Variants in CREB5 observed in about 807,000 individuals in gnomAD.
CREB5 encodes the protein cAMP responsive element binding protein 5, also known as cyclic AMP-responsive element-binding protein 5.
A neutral mutation model predicts 57.1 loss-of-function variants in CREB5; 19 were observed. That is an observed-to-expected ratio of 0.33 (90% confidence interval 0.23 to 0.49). The LOEUF (loss-of-function observed/expected upper bound fraction) is 0.49, where lower values mean the gene tolerates loss of function less well. CREB5 is among the 20% of genes least tolerant of loss of function. The probability of loss-of-function intolerance (pLI) is 0.99; values close to 1 mark genes in which losing one functional copy is unlikely to be tolerated. For missense variants in CREB5, 579 were observed against 671.6 expected (o/e 0.86, Z 1.52); for synonymous variants, 238 against 238.3 (o/e 1.00, Z 0.01).
At position 28,642,951 on chromosome 7, in the gene CREB5, T is replaced by TACACACACAC. The variant is rs751628412; in HGVS notation, c.464+72440_464+72449dup. On this transcript the variant is annotated intron_variant, in intron 5 of 10. Coordinates refer to ENST00000357727, the MANE Select transcript of CREB5 (RefSeq NM_182898.4). ...AAACAGACCGAAAGGAGGGTAGATTTACACACACACACACACACACACACA... is the reference window on the plus strand; with the variant it reads ...AAACAGACCGAAAGGAGGGTAGATTTACACACACACACACACACACACACACACACACACA... Among the ~76,000 whole-genome samples the TACACACACAC allele has an allele frequency of 3.3e-3, 298 of 89,468 alleles. 4 individuals carry two copies. The highest frequency in any genetic ancestry group is 5.4e-3 in the Non-Finnish European group (234 of 43,270). 58.7% of individuals were successfully genotyped at this position (89,468 alleles called of 152,430 possible).
Position 28,424,606 on chromosome 7 carries a change from G to C in CREB5, c.3+11689G>C, listed in dbSNP as rs1486109935. ...CTAATGTAGGCATTACCCTTGGTTT[G>C]GCCTTGAATTTGTCACCAGGATTTG... On this transcript the variant is annotated intron_variant, in intron 1 of 10. Transcript: ENST00000357727. Among the ~76,000 whole-genome samples the C allele has an allele frequency of 2.0e-5, 3 of 152,284 alleles. No individual in the cohort carries two copies. In the East Asian group the frequency reaches 5.8e-4, roughly 29 times the overall value.
intron 1 of CREB5, among the ~76,000 whole-genome samples, chr7:28,480,974 T>A (rs560792080): frequency 2.0e-5 from 3 of 151,850 alleles, no homozygotes; most frequent in South Asian, 4.2e-4. Context: ...ATGGAAAATT[T>A]AAAAAAAAGA....
At chr7:28,333,681 A>G (rs1248292293) in intron 1 of CREB5, among the ~76,000 whole-genome samples, 1 of 152,212 alleles carries the variant, frequency 6.6e-6, no homozygotes, top group African/African-American at 2.4e-5. Context: ...TTATCTTAAC[A>G]TAATTCCCTC....
At chr7:28,640,135 A>G (rs1798591985) in intron 5 of CREB5, among the ~76,000 whole-genome samples, 1 of 152,046 alleles carries the variant, frequency 6.6e-6, no homozygotes, top group Non-Finnish European at 1.5e-5. Flanking sequence ...GATACTCTGC[A>G]CTCTCAGCTC....
intron 5 of CREB5, among the ~76,000 whole-genome samples, chr7:28,690,039 A>T (rs753115645): frequency 1.3e-5 from 2 of 151,916 alleles, no homozygotes; most frequent in Non-Finnish European, 2.9e-5. Flanking sequence ...GGTCTAGCTC[A>T]CCATCACCAA....
At chr7:28,334,102 C>T (rs1456180128) in intron 1 of CREB5, among the ~76,000 whole-genome samples, 2 of 152,096 alleles carry the variant, frequency 1.3e-5, no homozygotes, top group Non-Finnish European at 2.9e-5. Context: ...GAGAACATAT[C>T]TCATTGTAGT....
chr7:28,616,280 T>C (rs1797594011), intron 5 of CREB5, among the ~76,000 whole-genome samples: 1 of 152,236 alleles, frequency 6.6e-6, no homozygotes, highest in Non-Finnish European at 1.5e-5. Flanking sequence ...TGACACGGTC[T>C]ATATCCATTA....
chr7:28,446,858 G>A (rs74672175), intron 1 of CREB5, among the ~76,000 whole-genome samples: 2,854 of 152,196 alleles, frequency 0.019, 51 homozygotes, highest in Admixed American at 0.037. Context: ...AGGTGGTGTC[G>A]GTGTTAAAGT....
At chr7:28,443,228 C>T (rs1031751735) in intron 1 of CREB5, among the ~76,000 whole-genome samples, 8 of 152,200 alleles carry the variant, frequency 5.3e-5, no homozygotes, top group African/African-American at 1.9e-4. Flanking sequence ...TTCCTAGCTC[C>T]TATGAGAGTG....
intron 5 of CREB5, among the ~76,000 whole-genome samples, chr7:28,701,101 A>G (rs991560029): frequency 2.0e-5 from 3 of 152,210 alleles, no homozygotes; most frequent in African/African-American, 4.8e-5. Context: ...TGAAATGTCA[A>G]CACACTTTTG....
chr7:28,629,092 C>T (rs160358), intron 5 of CREB5, among the ~76,000 whole-genome samples: 13,285 of 152,164 alleles, frequency 0.087, 682 homozygotes, highest in Non-Finnish European at 0.12. Flanking sequence ...AATGGTGCCT[C>T]GGTTTACTTG....
rs545128653 is a variant in CREB5 at position 28,369,399 on chromosome 7, T to G, written c.-25+69958T>G. Among the ~76,000 whole-genome samples, 5 of 152,362 alleles carry G rather than the reference T, an allele frequency of 3.3e-5. No homozygotes were observed. The South Asian group carries it at 1.0e-3, about 32-fold the overall frequency. On this transcript the variant is annotated intron_variant, in intron 1 of 9. Transcript: ENST00000396299. ...CAGAACAGGGAATGATCATGGGTTCTGGAGTCAAAAGAGGCTTTTCAAGGA... is the reference window on the plus strand; with the variant it reads ...CAGAACAGGGAATGATCATGGGTTCGGGAGTCAAAAGAGGCTTTTCAAGGA...
At chr7:28,465,790 A>G (rs1790537875) in intron 1 of CREB5, among the ~76,000 whole-genome samples, 2 of 152,144 alleles carry the variant, frequency 1.3e-5, no homozygotes, top group African/African-American at 4.8e-5. Flanking sequence ...TTTTTCCCAT[A>G]TGGAAAAAGC....
intron 1 of CREB5, among the ~76,000 whole-genome samples, chr7:28,402,825 C>T (rs1043297118): frequency 6.6e-6 from 1 of 152,028 alleles, no homozygotes; most frequent in African/African-American, 2.4e-5. Flanking sequence ...TTGACAAATG[C>T]GATCTAATTA....
intron 4 of CREB5, among the ~76,000 whole-genome samples, chr7:28,546,168 T>A (rs899094521): frequency 4.6e-5 from 7 of 152,220 alleles, no homozygotes; most frequent in African/African-American, 1.7e-4. Context: ...ACTGGTTTTG[T>A]TTATTTAGCA....
intron 5 of CREB5, among the ~76,000 whole-genome samples, chr7:28,708,162 A>G (rs549826471): frequency 4.6e-5 from 7 of 152,288 alleles, no homozygotes; most frequent in Middle Eastern, 3.4e-3. Flanking sequence ...CAGCCTTGTT[A>G]GGCAATGCCC....
chr7:28,326,323 A>G (rs1387623155), intron 1 of CREB5, among the ~76,000 whole-genome samples: 1 of 152,068 alleles, frequency 6.6e-6, no homozygotes, highest in African/African-American at 2.4e-5. Flanking sequence ...TTATTTTTCT[A>G]GCAGTGAGAA....
Position 28,782,845 on chromosome 7 carries a change from G to A in CREB5, c.703-21354G>A, listed in dbSNP as rs143176983. 1.9e-4 allele frequency among the ~76,000 whole-genome samples: 29 copies of A among 152,306 alleles called. No individual in the cohort carries two copies. The East Asian group carries it at 5.4e-3, about 28-fold the overall frequency. On this transcript the variant is annotated intron_variant, in intron 7 of 10. Transcript: ENST00000357727. ...GACAGCACAGGCTCTTTGATAAGTT[G>A]TGCGGGGCGACAGTCCAGGAGTCAG...
At chr7:28,745,315 A>G (rs1583658335) in intron 7 of CREB5, among the ~76,000 whole-genome samples, 1 of 152,218 alleles carries the variant, frequency 6.6e-6, no homozygotes, top group South Asian at 2.1e-4. Flanking sequence ...GTTAATAGTG[A>G]CAGCCACTGA....
Sources: gnomAD v4.1 joint callset for allele counts (sites outside exome capture counted in the v4.1 genomes callset) on GRCh38, gnomAD v4.1.1 for gene constraint, MANE v1.5 for transcripts, NCBI Gene and HGNC (gene_info 2026-07-23, HGNC 2026-07-21) for gene names.